The following GRIK4 variants were observed in gnomAD, a reference collection of about 807,000 sequenced individuals.
The protein encoded by GRIK4 is glutamate receptor ionotropic, kainate 4.
A neutral mutation model predicts 104.9 loss-of-function variants in GRIK4; 40 were observed. That is an observed-to-expected ratio of 0.38 (90% confidence interval 0.30 to 0.50). The LOEUF (loss-of-function observed/expected upper bound fraction) is 0.50. Among genes scored for constraint, GRIK4 ranks in the 20% least tolerant of loss-of-function variants. The probability of loss-of-function intolerance (pLI) is 0.93; values close to 1 mark genes in which losing one functional copy is unlikely to be tolerated. For missense variants in GRIK4, 1,047 were observed against 1,308.1 expected (o/e 0.80, Z 3.08); for synonymous variants, 485 against 524.9 (o/e 0.92, Z 1.04).
At chr11:120,629,582 T>C (rs1949307067) in intron 1 of GRIK4, among the ~76,000 whole-genome samples, 1 of 152,046 alleles carries the variant, frequency 6.6e-6, no homozygotes, top group Non-Finnish European at 1.5e-5. Context: ...CCTGGCTATG[T>C]GCTCAGGCTT....
At chr11:120,926,483 A>T (rs1943348440) in intron 13 of GRIK4, among the ~76,000 whole-genome samples, 1 of 152,214 alleles carries the variant, frequency 6.6e-6, no homozygotes, top group South Asian at 2.1e-4. Context: ...AAAGTATGTA[A>T]TATTACTAAC....
At chr11:120,789,417 G>A (rs1227711396) in intron 3 of GRIK4, among the ~76,000 whole-genome samples, 3 of 151,904 alleles carry the variant, frequency 2.0e-5, no homozygotes, top group South Asian at 2.1e-4. Flanking sequence ...GATTCTGCCC[G>A]GTTTATCTCA....
chr11:120,814,909 C>T (rs922198359), intron 4 of GRIK4, among the ~76,000 whole-genome samples: 12 of 152,238 alleles, frequency 7.9e-5, no homozygotes, highest in Non-Finnish European at 1.3e-4. Flanking sequence ...TTCCTGTCTG[C>T]GTCATCCTCG....
chr11:120,826,759 G>A (rs937505486), intron 6 of GRIK4, among the ~76,000 whole-genome samples: 3 of 152,226 alleles, frequency 2.0e-5, no homozygotes, highest in Non-Finnish European at 2.9e-5. Flanking sequence ...GGTCTTCCCT[G>A]CCTGTTCCTG....
At chr11:120,540,282 G>C (rs1050701382) in intron 1 of GRIK4, among the ~76,000 whole-genome samples, 1 of 152,198 alleles carries the variant, frequency 6.6e-6, no homozygotes, top group Admixed American at 6.5e-5. Context: ...AGGGACAGGG[G>C]CATATTACCA....
At chr11:120,767,312 T>G (rs1277808507) in intron 3 of GRIK4, among the ~76,000 whole-genome samples, 1 of 152,234 alleles carries the variant, frequency 6.6e-6, no homozygotes, top group Non-Finnish European at 1.5e-5. Context: ...TCTTGAGCAC[T>G]TTTTCATATA....
chr11:120,831,595 C>T (rs1953429140), intron 6 of GRIK4, among the ~76,000 whole-genome samples: 1 of 152,166 alleles, frequency 6.6e-6, no homozygotes, highest in Non-Finnish European at 1.5e-5. Context: ...TCCGTCTCTA[C>T]CTTAAAAGAA....
chr11:120,979,021 T>C (rs906437481), intron 19 of GRIK4, among the ~76,000 whole-genome samples: 1 of 152,196 alleles, frequency 6.6e-6, no homozygotes, highest in African/African-American at 2.4e-5. Context: ...GGGGTGAAGA[T>C]TGAATAGCAA....
intron 6 of GRIK4, among the ~76,000 whole-genome samples, chr11:120,825,370 G>A (rs1297557739): frequency 2.6e-5 from 4 of 152,196 alleles, no homozygotes; most frequent in South Asian, 2.1e-4. Context: ...GTGAAACCTC[G>A]CTCCCGGGAT....
At chr11:120,534,741 G>A (rs999386995) in intron 1 of GRIK4, among the ~76,000 whole-genome samples, 3 of 152,180 alleles carry the variant, frequency 2.0e-5, no homozygotes, top group Admixed American at 1.3e-4. Flanking sequence ...AAGAGCATTG[G>A]ACAGGTCCAG....
At chr11:120,768,799 G>A (rs1284218497) in intron 3 of GRIK4, among the ~76,000 whole-genome samples, 1 of 152,190 alleles carries the variant, frequency 6.6e-6, no homozygotes, top group African/African-American at 2.4e-5. Context: ...TGAGATGATT[G>A]TGTGGCTTTT....
chr11:120,939,846 G>C lies in GRIK4; in HGVS notation c.1477-501G>C, dbSNP rs548449212. On this transcript the variant is annotated intron_variant, in intron 13 of 20. Transcript: ENST00000527524. The surrounding 1 kb of genome is among the most constrained non-coding windows in gnomAD (Gnocchi z 5.6). ...ATTACAAAAATAAGCCAGGCATGGT[G>C]GCCCACGCCTGTAGTTCCAGCTACT... is the stretch of plus-strand genomic sequence containing the variant. 6.6e-5 allele frequency among the ~76,000 whole-genome samples: 10 copies of C among 152,276 alleles called. No homozygotes were observed. The highest frequency in any genetic ancestry group is 1.3e-4 in the Non-Finnish European group (9 of 68,024).
chr11:120,930,012 G>A (rs1943450531), intron 13 of GRIK4, among the ~76,000 whole-genome samples: 1 of 151,344 alleles, frequency 6.6e-6, no homozygotes, highest in African/African-American at 2.4e-5. Flanking sequence ...TGGGGGGGGG[G>A]TCCCCTCCTT....
chr11:120,807,954 G>A (rs557071767), intron 4 of GRIK4, among the ~76,000 whole-genome samples: 2 of 152,318 alleles, frequency 1.3e-5, no homozygotes, highest in Non-Finnish European at 2.9e-5. Context: ...AGGGGAGCAG[G>A]AGGTCAGAAC....
intron 3 of GRIK4, among the ~76,000 whole-genome samples, chr11:120,674,686 G>A (rs886310649): frequency 1.3e-5 from 2 of 152,218 alleles, no homozygotes; most frequent in African/African-American, 4.8e-5. Context: ...TTCCCTTAGC[G>A]GCAGGGATCT....
At chr11:120,660,915 C>T (rs987416360) in intron 3 of GRIK4, among the ~76,000 whole-genome samples, 1 of 152,152 alleles carries the variant, frequency 6.6e-6, no homozygotes, top group Non-Finnish European at 1.5e-5. Context: ...AGGGCAGGGT[C>T]ATGTGAGTCT....
At position 120,930,002 on chromosome 11, in the gene GRIK4, T is replaced by TAGA. The variant is rs369346546; in HGVS notation, c.1477-10345_1477-10344insAGA. Among the ~76,000 whole-genome samples the TAGA allele has an allele frequency of 2.4e-3, 368 of 150,356 alleles. 2 individuals are homozygous for TAGA. Among genetic ancestry groups the TAGA allele is most frequent in the East Asian group, 0.01 (51 of 5,072 alleles). On this transcript the variant is annotated intron_variant, in intron 13 of 20. Coordinates refer to ENST00000527524, the MANE Select transcript of GRIK4 (RefSeq NM_014619.5). ...AAGGGGCTCGAGGGCAGGCCACGTT[T>TAGA]GGGGGGGGGGTCCCCTCCTTACCCA...
intron 9 of GRIK4, among the ~76,000 whole-genome samples, chr11:120,862,991 G>A (rs541359903): frequency 7.9e-5 from 12 of 152,298 alleles, no homozygotes; most frequent in African/African-American, 2.6e-4. Context: ...GCCCAGAAAG[G>A]TTAGGCAAAT....
chr11:120,751,466 G>A (rs978045766), intron 3 of GRIK4, among the ~76,000 whole-genome samples: 4 of 152,198 alleles, frequency 2.6e-5, no homozygotes, highest in African/African-American at 7.2e-5. Flanking sequence ...GGCCGATAAG[G>A]CTGCCAAGCA....
Sources: allele counts gnomAD v4.1 joint callset (sites outside exome capture counted in the v4.1 genomes callset), GRCh38; gene constraint gnomAD v4.1.1; non-coding constraint Gnocchi (gnomAD v3.1); transcripts MANE v1.5; gene names NCBI Gene and HGNC (gene_info 2026-07-23, HGNC 2026-07-21).